The following SEPHS1 variants were observed in gnomAD, a reference collection of about 807,000 sequenced individuals.
SEPHS1 encodes zincore component SEPHS1.
SEPHS1 carries 7 observed loss-of-function variants against 39.2 expected under a neutral mutation model. That is an observed-to-expected ratio of 0.18 (90% CI 0.10 to 0.34). The LOEUF (loss-of-function observed/expected upper bound fraction) is 0.34, where lower values mean the gene tolerates loss of function less well. Among genes scored for constraint, SEPHS1 ranks in the 10% least tolerant of loss-of-function variants. SEPHS1 has a pLI of 1.00. For synonymous variants in SEPHS1, 190 were observed against 195.5 expected, an observed-to-expected ratio of 0.97 and a Z score of 0.23; for missense variants, 253 against 514.5, an observed-to-expected ratio of 0.49 and a Z score of 4.92.
intron 8 of SEPHS1, 82 bp downstream of exon 8, chr10:13,322,753 C>T: frequency 7.4e-7 from 1 of 1,351,736 alleles, no homozygotes; most frequent in Non-Finnish European, 1.0e-6. Context: ...TGGGGGCCCA[C>T]TCGGGGTGGG....
chr10:13,327,175 C>T (rs750707453), intron 7 of SEPHS1, among the ~76,000 whole-genome samples: 23 of 128,018 alleles, frequency 1.8e-4, no homozygotes, highest in Non-Finnish European at 1.6e-4. Context: ...TGGTAGGTAG[C>T]GGTTGCAGTG....
intron 7 of SEPHS1, among the ~76,000 whole-genome samples, chr10:13,328,105 C>T (rs761892523): frequency 4.6e-5 from 7 of 152,176 alleles, no homozygotes; most frequent in Admixed American, 6.5e-5. Flanking sequence ...CCCACACAAA[C>T]GCTTTCTAGA....
At chr10:13,343,386 G>A (rs2130698181) in intron 2 of SEPHS1, among the ~76,000 whole-genome samples, 2 of 152,240 alleles carry the variant, frequency 1.3e-5, no homozygotes, top group East Asian at 3.9e-4. Flanking sequence ...CAGGTCACCA[G>A]CGACTGGGGT....
At chr10:13,328,186 T>A (rs1180155292) in intron 7 of SEPHS1, among the ~76,000 whole-genome samples, 165 bp downstream of exon 7, 2 of 152,286 alleles carry the variant, frequency 1.3e-5, no homozygotes, top group East Asian at 3.9e-4. Context: ...TCAGGGACCA[T>A]CTGCAGTGAT....
In SEPHS1 at chr10:13,340,786, CTCCGTTA is replaced by C. The variant is rs1588547606; in HGVS notation, c.194-1985_194-1979del. Reference sequence around the variant, plus strand: ...GCACGCCCCTAGGGCTGAAAAGCAGCTCCGTTATCCACGGTTTCTCTTTCACACCTGT... The same window carrying C: ...GCACGCCCCTAGGGCTGAAAAGCAGCTCCACGGTTTCTCTTTCACACCTGT... On this transcript the variant is annotated intron_variant, in intron 2 of 8. Transcript: ENST00000327347. The C allele has an allele frequency of 2.6e-5, 4 of 152,338 alleles. No individual in the cohort carries two copies. The East Asian group carries it at 7.7e-4, about 29-fold the overall frequency. The allele number at this position is 152,338 out of a possible 1,614,324, so 9.4% of individuals were successfully genotyped here.
intron 3 of SEPHS1, among the ~76,000 whole-genome samples, chr10:13,337,892 C>T (rs1248734611): frequency 6.6e-6 from 1 of 152,202 alleles, no homozygotes; most frequent in Admixed American, 6.5e-5. Context: ...GTGAACACCC[C>T]CCACGTGGCT....
At chr10:13,345,975 G>A (rs1833909640) in intron 1 of SEPHS1, among the ~76,000 whole-genome samples, 1 of 152,236 alleles carries the variant, frequency 6.6e-6, no homozygotes, top group Admixed American at 6.5e-5. Context: ...ACACAGTAAG[G>A]TCTGTGTTCT....
At chr10:13,343,120 T>C (rs550457505) in intron 2 of SEPHS1, among the ~76,000 whole-genome samples, 3 of 152,336 alleles carry the variant, frequency 2.0e-5, no homozygotes, top group African/African-American at 7.2e-5. Context: ...GAGTGACTAG[T>C]AAGTAACTGT....
Position 13,319,064 on chromosome 10 carries a change from T to G in SEPHS1, c.*78A>C. 1 of 1,421,988 alleles carries G rather than the reference T, an allele frequency of 7.0e-7. No homozygotes were observed. Among genetic ancestry groups the G allele is most frequent in the East Asian group, 2.3e-5 (1 of 43,760 alleles). The allele number at this position is 1,421,988 out of a possible 1,614,324, so 88.1% of individuals were successfully genotyped here. A position where few individuals can be genotyped will look rare whatever the true frequency, so the allele number is the denominator to read the frequency against. On this transcript the variant is annotated 3_prime_UTR_variant, in exon 9 of 9. Transcript: ENST00000327347. Reference sequence around the variant, plus strand: ...TGTGTAGACACAATGAGATTTTTGTTGTTTATAGTCTTTAATTGAAGTGAT... The same window carrying G: ...TGTGTAGACACAATGAGATTTTTGTGGTTTATAGTCTTTAATTGAAGTGAT...
At chr10:13,332,976 G>A (rs1480962486) in intron 5 of SEPHS1, among the ~76,000 whole-genome samples, 1 of 152,138 alleles carries the variant, frequency 6.6e-6, no homozygotes, top group Admixed American at 6.5e-5. Flanking sequence ...GAGCAGGAGT[G>A]AACAGTGAGA....
At chr10:13,332,700 G>A (rs910076968) in intron 5 of SEPHS1, among the ~76,000 whole-genome samples, 1 of 151,842 alleles carries the variant, frequency 6.6e-6, no homozygotes, top group African/African-American at 2.4e-5. Flanking sequence ...AAAATTAGCC[G>A]GGCATGGTGG....
intron 5 of SEPHS1, among the ~76,000 whole-genome samples, chr10:13,331,349 C>T (rs1833462560): frequency 6.6e-6 from 1 of 152,016 alleles, no homozygotes; most frequent in Non-Finnish European, 1.5e-5. Flanking sequence ...GGTATATACC[C>T]AGTAATGGGA....
intron 5 of SEPHS1, among the ~76,000 whole-genome samples, chr10:13,330,792 G>C (rs910701067): frequency 6.6e-6 from 1 of 151,790 alleles, no homozygotes; most frequent in South Asian, 2.1e-4. Context: ...AAATGTCTTC[G>C]AATTCAGACT....
chr10:13,318,840 C>G lies in SEPHS1; in HGVS notation c.*302G>C. 1 of 344,276 alleles carries G rather than the reference C, an allele frequency of 2.9e-6. No homozygotes were observed. The highest frequency in any genetic ancestry group is 5.2e-6 in the Non-Finnish European group (1 of 190,924). 21.3% of individuals were successfully genotyped at this position (344,276 alleles called of 1,614,324 possible). A position where few individuals can be genotyped will look rare whatever the true frequency, so the allele number is the denominator to read the frequency against. The stretch of plus-strand genomic sequence containing the variant: ...GTAATGCCTGTGCTATGTGAAAGCA[C>G]CTTTAAAAAGCCTATGCGGCAAGAG... On this transcript the variant is annotated 3_prime_UTR_variant, in exon 9 of 9. Transcript: ENST00000327347.
chr10:13,345,023 A>C lies in SEPHS1; in HGVS notation c.-73T>G. 1 of 1,321,892 alleles carries C rather than the reference A, an allele frequency of 7.6e-7. No individual in the cohort carries two copies. Among genetic ancestry groups the C allele is most frequent in the Non-Finnish European group, 1.0e-6 (1 of 1,004,082 alleles). The allele number at this position is 1,321,892 out of a possible 1,614,324, so 81.9% of individuals were successfully genotyped here. Reference sequence around the variant, plus strand: ...TGCGGGTTGGCTGGGTTCTTTATGGATCCACCTGGGTGTCACCAAAACACA... The same window carrying C: ...TGCGGGTTGGCTGGGTTCTTTATGGCTCCACCTGGGTGTCACCAAAACACA... On this transcript the variant is annotated 5_prime_UTR_variant, in exon 2 of 9. Coordinates refer to ENST00000327347, the MANE Select transcript of SEPHS1 (RefSeq NM_012247.5).
chr10:13,331,201 G>A (rs918969823), intron 5 of SEPHS1, among the ~76,000 whole-genome samples: 1 of 152,138 alleles, frequency 6.6e-6, no homozygotes, highest in East Asian at 1.9e-4. Context: ...TCCACGGTGT[G>A]TATGTGCCAC....
At chr10:13,345,368 T>G (rs572440006) in intron 1 of SEPHS1, 3 of 157,392 alleles carry the variant, frequency 1.9e-5, no homozygotes, top group African/African-American at 7.2e-5. Context: ...GGGCACTTCA[T>G]GTGTCAACCT....
Position 13,328,347 on chromosome 10 carries a change from A to G in SEPHS1, c.751+4T>C. The G allele has an allele frequency of 2.5e-6, 4 of 1,604,082 alleles. No homozygotes were observed. The highest frequency in any genetic ancestry group is 3.4e-6 in the Non-Finnish European group (4 of 1,171,194). ...GACCGAAGCGCCCTTCCCACCTGTC[A>G]TACCTGTCCTGTTGAGCCTCGCCAT... On this transcript the variant is annotated splice_donor_region_variant and intron_variant, in intron 7 of 8. Coordinates refer to ENST00000327347, the MANE Select transcript of SEPHS1 (RefSeq NM_012247.5).
At chr10:13,334,045 TAC>T (rs1833550602) in intron 4 of SEPHS1, 74 bp from the exon 5 acceptor site, 2 of 1,312,494 alleles carry the variant, frequency 1.5e-6, no homozygotes, top group Non-Finnish European at 1.1e-6. Flanking sequence ...TTTTTACACT[TAC>T]AGTTATAAAA....
Sources: allele counts gnomAD v4.1 joint callset (sites outside exome capture counted in the v4.1 genomes callset), GRCh38; gene constraint gnomAD v4.1.1; transcripts MANE v1.5; gene names NCBI Gene and HGNC (gene_info 2026-07-23, HGNC 2026-07-21).